GRHL2: variants seen among roughly 807,000 people sequenced by gnomAD.
The protein encoded by GRHL2 is grainyhead-like protein 2 homolog.
Under a neutral mutation model 83.8 loss-of-function variants are expected in GRHL2, and 21 were observed. That is an observed-to-expected ratio of 0.25 (90% CI 0.18 to 0.36). The LOEUF (loss-of-function observed/expected upper bound fraction) is 0.36, where lower values mean the gene tolerates loss of function less well. Among genes scored for constraint, GRHL2 ranks in the 10% least tolerant of loss-of-function variants. The probability of loss-of-function intolerance (pLI) is 1.00; values close to 1 mark genes in which losing one functional copy is unlikely to be tolerated. For missense variants in GRHL2, 623 were observed against 781.8 expected (o/e 0.80, Z 2.42); for synonymous variants, 280 against 278.9 (o/e 1.00, Z -0.04).
intron 14 of GRHL2, 89 bp from the exon 15 acceptor site, chr8:101,664,365 G>C: frequency 2.2e-6 from 2 of 902,786 alleles, no homozygotes; most frequent in East Asian, 4.9e-5. Flanking sequence ...CTGGGAAAAT[G>C]TCCAAGGGAG....
At chr8:101,593,297 G>T (rs1282167952) in intron 7 of GRHL2, among the ~76,000 whole-genome samples, 1 of 152,146 alleles carries the variant, frequency 6.6e-6, no homozygotes, top group African/African-American at 2.4e-5. Context: ...GTTGCATCAT[G>T]CCTGTTTTGG....
At chr8:101,609,552 G>A (rs1279814856) in intron 8 of GRHL2, among the ~76,000 whole-genome samples, 2 of 150,988 alleles carry the variant, frequency 1.3e-5, no homozygotes, top group Non-Finnish European at 2.9e-5. Context: ...CAAAAGCCAC[G>A]TAGAAAGACA....
intron 8 of GRHL2, among the ~76,000 whole-genome samples, chr8:101,606,958 A>G (rs1240452708): frequency 2.6e-5 from 4 of 152,232 alleles, no homozygotes; most frequent in Admixed American, 1.3e-4. Context: ...GAGAAAACAT[A>G]GGTGTTCTCA....
chr8:101,626,345 G>T (rs1244262326), intron 9 of GRHL2, among the ~76,000 whole-genome samples: 1 of 152,044 alleles, frequency 6.6e-6, no homozygotes, highest in African/African-American at 2.4e-5. Context: ...ATCATTCTTG[G>T]TATTAAGATA....
intron 2 of GRHL2, among the ~76,000 whole-genome samples, chr8:101,545,677 C>T (rs1474108784): frequency 2.0e-5 from 3 of 151,790 alleles, no homozygotes; most frequent in Admixed American, 6.6e-5. Flanking sequence ...TAGGCTGCTT[C>T]GTGTACTGGG....
At chr8:101,510,323 T>A (rs1362879740) in intron 1 of GRHL2, among the ~76,000 whole-genome samples, 1 of 152,146 alleles carries the variant, frequency 6.6e-6, no homozygotes, top group African/African-American at 2.4e-5. Context: ...GCAAACTAAC[T>A]CTATAAGTAT....
chr8:101,584,565 AT>A (rs1333137267), intron 7 of GRHL2, among the ~76,000 whole-genome samples: 2 of 152,218 alleles, frequency 1.3e-5, no homozygotes, highest in African/African-American at 2.4e-5. Context: ...AACAAGAATC[AT>A]AATTAAACAG....
chr8:101,628,428 C>A (rs1379619037), intron 9 of GRHL2, among the ~76,000 whole-genome samples: 1 of 151,944 alleles, frequency 6.6e-6, no homozygotes, highest in Non-Finnish European at 1.5e-5. Flanking sequence ...AAAAAAAGAT[C>A]CCTTTTAATT....
chr8:101,552,592 A>G, intron 2 of GRHL2, 123 bp from the exon 3 acceptor site: 3 of 868,716 alleles, frequency 3.5e-6, no homozygotes, highest in Non-Finnish European at 5.8e-6. Flanking sequence ...GGTGATAGCA[A>G]CTTTTCCACC....
chr8:101,560,176 T>TTGTGTG (rs35280910), intron 4 of GRHL2, among the ~76,000 whole-genome samples: 22 of 148,962 alleles, frequency 1.5e-4, no homozygotes, highest in African/African-American at 4.9e-4. Context: ...TGGCTAAATT[T>TTGTGTG]TGTGTGTGTG....
intron 14 of GRHL2, among the ~76,000 whole-genome samples, chr8:101,656,807 A>G (rs1002309249): frequency 9.9e-5 from 15 of 152,072 alleles, no homozygotes; most frequent in African/African-American, 2.7e-4. Flanking sequence ...TTATAAATTA[A>G]TATATACTGG....
chr8:101,504,087 C>T (rs1312030444), intron 1 of GRHL2, among the ~76,000 whole-genome samples: 4 of 152,110 alleles, frequency 2.6e-5, no homozygotes, highest in Admixed American at 6.5e-5. Context: ...GAATAATACA[C>T]ACTTCTCTAA....
intron 13 of GRHL2, among the ~76,000 whole-genome samples, chr8:101,647,734 T>C (rs567740862): frequency 4.9e-5 from 3 of 61,826 alleles, no homozygotes; most frequent in African/African-American, 1.3e-4. Context: ...CTGTTCATTA[T>C]TTTCTTTTTC....
intron 14 of GRHL2, among the ~76,000 whole-genome samples, chr8:101,659,111 CAT>C (rs1476481899): frequency 1.3e-5 from 2 of 152,272 alleles, no homozygotes; most frequent in African/African-American, 2.4e-5. Flanking sequence ...ATATAGGAAA[CAT>C]GTGCTCCTTA....
At chr8:101,525,163 G>A (rs1810779541) in intron 1 of GRHL2, among the ~76,000 whole-genome samples, 1 of 152,070 alleles carries the variant, frequency 6.6e-6, no homozygotes, top group African/African-American at 2.4e-5. Context: ...GGCTGGTCTC[G>A]AACTCCTGAC....
chr8:101,677,556 C>G, the GRHL2 span, among the ~76,000 whole-genome samples: 6 of 151,936 alleles, frequency 3.9e-5, no homozygotes, highest in South Asian at 2.1e-4. Flanking sequence ...GAGACAGTGT[C>G]TTTACCTGTC....
chr8:101,581,987 T>TAGCACTTTGGGATCTC, intron 7 of GRHL2, among the ~76,000 whole-genome samples: 1 of 152,148 alleles, frequency 6.6e-6, no homozygotes, highest in Non-Finnish European at 1.5e-5. Flanking sequence ...CCTCTAATCT[T>TAGCACTTTGGGATCTC]AGCACTTTGG....
At chr8:101,651,255 A>T (rs770858981) in intron 14 of GRHL2, among the ~76,000 whole-genome samples, 5 of 152,214 alleles carry the variant, frequency 3.3e-5, no homozygotes, top group Non-Finnish European at 4.4e-5. Context: ...TATTACCAAA[A>T]CTGACTTAAT....
intron 1 of GRHL2, among the ~76,000 whole-genome samples, chr8:101,540,682 C>A (rs1348197817): frequency 6.6e-6 from 1 of 152,298 alleles, no homozygotes; most frequent in Non-Finnish European, 1.5e-5. Context: ...CCTTGACACA[C>A]TTTTCATTGT....
Sources: gnomAD v4.1 joint callset for allele counts (sites outside exome capture counted in the v4.1 genomes callset) on GRCh38, gnomAD v4.1.1 for gene constraint, MANE v1.5 for transcripts, NCBI Gene and HGNC (gene_info 2026-07-23, HGNC 2026-07-21) for gene names.